RBFOX1: variants seen among roughly 807,000 people sequenced by gnomAD.
The protein encoded by RBFOX1 is RNA binding fox-1 homolog 1.
RBFOX1 carries 8 observed loss-of-function variants against 57.7 expected under a neutral mutation model. The observed-to-expected ratio is 0.14, with a 90% confidence interval of 0.08 to 0.25. RBFOX1 has a LOEUF of 0.25. Ranked by LOEUF, RBFOX1 falls within the 10% of genes least tolerant of loss-of-function variation. RBFOX1 has a pLI of 1.00. For missense variants in RBFOX1, 611 were observed against 548.5 expected, an observed-to-expected ratio of 1.11 and a Z score of -1.14; for synonymous variants, 326 against 222.4, an observed-to-expected ratio of 1.47 and a Z score of -4.15.
chr16:6,260,010 C>T (rs990318217), intron 1 of RBFOX1, among the ~76,000 whole-genome samples: 1 of 150,592 alleles, frequency 6.6e-6, no homozygotes, highest in Non-Finnish European at 1.5e-5. Context: ...ACTTTCAAAT[C>T]TCTGCACATG....
intron 3 of RBFOX1, among the ~76,000 whole-genome samples, chr16:6,657,648 A>T (rs1489297649): frequency 6.6e-6 from 1 of 152,148 alleles, no homozygotes; most frequent in Non-Finnish European, 1.5e-5. Flanking sequence ...CATTTAACCC[A>T]AATGCTTCTG....
intron 3 of RBFOX1, among the ~76,000 whole-genome samples, chr16:5,696,747 A>T (rs1044209573): frequency 3.3e-5 from 5 of 152,190 alleles, no homozygotes; most frequent in Admixed American, 6.5e-5. Flanking sequence ...CCCATCTATG[A>T]ATACAGTATG....
At chr16:5,717,509 C>A (rs574047641) in intron 3 of RBFOX1, among the ~76,000 whole-genome samples, 1 of 152,174 alleles carries the variant, frequency 6.6e-6, no homozygotes, top group Non-Finnish European at 1.5e-5. Context: ...CCCCCTCCCA[C>A]CCTTCACCCT....
intron 3 of RBFOX1, among the ~76,000 whole-genome samples, chr16:5,714,794 G>A (rs552691796): frequency 1.3e-5 from 2 of 152,328 alleles, no homozygotes; most frequent in South Asian, 2.1e-4. Context: ...GCCTCGTAAG[G>A]TAGAAACTAT....
intron 1 of RBFOX1, among the ~76,000 whole-genome samples, chr16:5,298,915 G>T (rs2063740856): frequency 9.4e-6 from 1 of 106,532 alleles, no homozygotes; most frequent in Non-Finnish European, 1.9e-5. Flanking sequence ...TGAGATAGGT[G>T]GACTTGTGTG....
chr16:6,811,917 A>G (rs1216549631), intron 3 of RBFOX1, among the ~76,000 whole-genome samples: 2 of 152,140 alleles, frequency 1.3e-5, no homozygotes, highest in Non-Finnish European at 2.9e-5. Flanking sequence ...AATACAAAAT[A>G]TAAGGCACAG....
At chr16:6,655,093 G>A (rs571768268) in intron 3 of RBFOX1, among the ~76,000 whole-genome samples, 12 of 151,742 alleles carry the variant, frequency 7.9e-5, no homozygotes, top group Middle Eastern at 6.9e-3. Flanking sequence ...AGAGCTCACG[G>A]CCAGGTGTGG....
At chr16:6,010,126 C>A (rs1222866302) in intron 4 of RBFOX1, among the ~76,000 whole-genome samples, 1 of 152,072 alleles carries the variant, frequency 6.6e-6, no homozygotes, top group Non-Finnish European at 1.5e-5. Flanking sequence ...CTGTGTTGCC[C>A]CACACCTCGT....
intron 1 of RBFOX1, among the ~76,000 whole-genome samples, chr16:5,280,749 C>CT (rs1339725625): frequency 2.0e-5 from 3 of 151,274 alleles, no homozygotes; most frequent in Non-Finnish European, 4.4e-5. Flanking sequence ...TCTAATGATC[C>CT]TTTTTATTTC....
At chr16:7,582,046 T>C (rs909702906) in intron 6 of RBFOX1, among the ~76,000 whole-genome samples, 1 of 151,480 alleles carries the variant, frequency 6.6e-6, no homozygotes. Flanking sequence ...CCCCTTTTTT[T>C]TGTGACAAAG....
intron 2 of RBFOX1, among the ~76,000 whole-genome samples, chr16:6,384,736 A>T (rs1290550394): frequency 6.6e-6 from 1 of 152,196 alleles, no homozygotes; most frequent in Non-Finnish European, 1.5e-5. Context: ...GTGTGTGTGG[A>T]TGTGGCTTTT....
intron 3 of RBFOX1, among the ~76,000 whole-genome samples, chr16:6,863,364 T>G (rs2059344676): frequency 1.3e-5 from 2 of 152,106 alleles, no homozygotes; most frequent in African/African-American, 4.8e-5. Context: ...GGTGACTCAC[T>G]AATCTTCAAG....
intron 2 of RBFOX1, among the ~76,000 whole-genome samples, chr16:6,450,913 C>T (rs2153045466): frequency 7.8e-6 from 1 of 128,972 alleles, no homozygotes; most frequent in East Asian, 2.2e-4. Context: ...TCTTTATAAC[C>T]CCTGAATAAC....
chr16:5,808,150 A>G (rs1187488483), intron 3 of RBFOX1, among the ~76,000 whole-genome samples: 3 of 152,192 alleles, frequency 2.0e-5, no homozygotes, highest in Non-Finnish European at 4.4e-5. Context: ...CAAAGAAGTA[A>G]TTAAGATAAA....
intron 2 of RBFOX1, among the ~76,000 whole-genome samples, chr16:5,549,661 G>T (rs2151079769): frequency 6.6e-6 from 1 of 152,304 alleles, no homozygotes; most frequent in East Asian, 1.9e-4. Context: ...TCATCAGTGA[G>T]ATGTTTAAAA....
At chr16:7,098,685 C>T (rs1303775874) in intron 4 of RBFOX1, among the ~76,000 whole-genome samples, 2 of 152,046 alleles carry the variant, frequency 1.3e-5, no homozygotes, top group East Asian at 1.9e-4. Context: ...GGTGGTGGCT[C>T]ATGCCTGTAA....
At chr16:7,418,081 T>A (rs2149285548) in intron 4 of RBFOX1, among the ~76,000 whole-genome samples, 1 of 152,256 alleles carries the variant, frequency 6.6e-6, no homozygotes, top group Admixed American at 6.5e-5. Flanking sequence ...CCTGTCACTC[T>A]CTGCCCAACC....
chr16:6,749,484 C>T (rs146960995), intron 3 of RBFOX1, among the ~76,000 whole-genome samples: 91 of 152,224 alleles, frequency 6.0e-4, no homozygotes, highest in African/African-American at 1.4e-3. Flanking sequence ...TCATGTTTTC[C>T]CCACTTTCCA....
chr16:5,948,754 A>G (rs1035856374), intron 4 of RBFOX1, among the ~76,000 whole-genome samples: 3 of 152,162 alleles, frequency 2.0e-5, no homozygotes, highest in African/African-American at 7.2e-5. Context: ...TCAGACTTTC[A>G]GTCTCCAGAA....
Sources: gnomAD v4.1 joint callset for allele counts (sites outside exome capture counted in the v4.1 genomes callset) on GRCh38, gnomAD v4.1.1 for gene constraint, MANE v1.5 for transcripts, NCBI Gene and HGNC (gene_info 2026-07-23, HGNC 2026-07-21) for gene names.